MNS1: variants seen among roughly 807,000 people sequenced by gnomAD.
The protein encoded by MNS1 is meiosis-specific nuclear structural protein 1.
A neutral mutation model predicts 72.0 loss-of-function variants in MNS1; 63 were observed. The ratio of observed to expected loss-of-function variants is 0.87; its 90% CI spans 0.71 to 1.08. MNS1 has a LOEUF of 1.08. Among genes scored for constraint, MNS1 ranks in the 50% least tolerant of loss-of-function variants. The pLI is 0.00. For missense variants in MNS1, 604 were observed against 562.4 expected, an observed-to-expected ratio of 1.07 and a Z score of -0.75; for synonymous variants, 188 against 172.1, an observed-to-expected ratio of 1.09 and a Z score of -0.72.
At chr15:56,450,379 C>G (rs77480592) in intron 3 of MNS1, among the ~76,000 whole-genome samples, 1 of 152,072 alleles carries the variant, frequency 6.6e-6, no homozygotes, top group East Asian at 1.9e-4. Context: ...TTCATTCCCC[C>G]CAAAGAGAAA....
At chr15:56,433,403 T>C (rs966758896) in intron 8 of MNS1, among the ~76,000 whole-genome samples, 1 of 108,580 alleles carries the variant, frequency 9.2e-6, no homozygotes, top group African/African-American at 3.6e-5. Flanking sequence ...GTTCTGCACA[T>C]GCATCCTGGA....
chr15:56,431,583 TAGATA>T, intron 8 of MNS1, 85 bp from the exon 9 acceptor site: 1 of 1,360,228 alleles, frequency 7.4e-7, no homozygotes, highest in Non-Finnish European at 1.0e-6. Flanking sequence ...TGCAATGAAT[TAGATA>T]AAATTGATGA....
chr15:56,436,248 C>A (rs1348841638), intron 7 of MNS1, among the ~76,000 whole-genome samples: 1 of 152,110 alleles, frequency 6.6e-6, no homozygotes, highest in African/African-American at 2.4e-5. Flanking sequence ...GAAATTATAA[C>A]AAACTGTCTC....
intron 7 of MNS1, among the ~76,000 whole-genome samples, chr15:56,438,735 A>C (rs1265477724): frequency 6.6e-6 from 1 of 152,218 alleles, no homozygotes; most frequent in Non-Finnish European, 1.5e-5. Context: ...AAATTTTTGC[A>C]ATCTACCCAT....
At chr15:56,463,610 C>T (rs757945982) in intron 2 of MNS1, among the ~76,000 whole-genome samples, 5 of 151,956 alleles carry the variant, frequency 3.3e-5, no homozygotes, top group African/African-American at 1.2e-4. Context: ...GGTGAAACCC[C>T]GTCTCTACTA....
chr15:56,444,411 T>A (rs2050871677), intron 5 of MNS1, 33 bp downstream of exon 5: 2 of 1,563,092 alleles, frequency 1.3e-6, no homozygotes, highest in Non-Finnish European at 1.7e-6. Flanking sequence ...AAAGTAAACA[T>A]TTAGACATGT....
chr15:56,449,468 T>C (rs1464411701), intron 3 of MNS1, among the ~76,000 whole-genome samples: 2 of 152,206 alleles, frequency 1.3e-5, no homozygotes, highest in Non-Finnish European at 2.9e-5. Context: ...GTCAGGATGA[T>C]TTATCTTTCT....
chr15:56,434,424 G>A (rs749346509), intron 7 of MNS1, 29 bp from the exon 8 acceptor site: 1 of 1,584,396 alleles, frequency 6.3e-7, no homozygotes, highest in Non-Finnish European at 8.6e-7. Context: ...AGTTAATTTA[G>A]TAACTATTTC....
At position 56,434,348 on chromosome 15, in the gene MNS1, A is replaced by G. The variant is rs1304072257; in HGVS notation, c.1059T>C (p.Asp353=). The G allele has an allele frequency of 5.0e-6, 8 of 1,613,310 alleles. No individual in the cohort carries two copies. The South Asian group carries it at 8.8e-5, about 18-fold the overall frequency. ...KLRKQKEMKQ[D]FEEQMALKEL... ...CCTTCAAGGCCATTTGTTCTTCAAA[A>G]TCTTGCTTCATCTCTTTTTGCTTTC... The change falls in exon 8 of 10, where the codon GAT becomes GAC. Residue 353 remains aspartate, a synonymous_variant. Transcript: ENST00000260453.
intron 2 of MNS1, among the ~76,000 whole-genome samples, chr15:56,457,241 C>A (rs2050987256): frequency 6.6e-6 from 1 of 152,166 alleles, no homozygotes; most frequent in Non-Finnish European, 1.5e-5. Flanking sequence ...GGATATATCA[C>A]TGAACTTTTT....
chr15:56,429,891 C>T (rs1396161746), intron 9 of MNS1: 1 of 152,092 alleles, frequency 6.6e-6, no homozygotes, highest in East Asian at 1.9e-4. Flanking sequence ...ATTTCCTCTA[C>T]AAAAATATCA....
intron 7 of MNS1, among the ~76,000 whole-genome samples, chr15:56,439,777 AACACACAC>A (rs755190091): frequency 6.6e-6 from 1 of 150,594 alleles, no homozygotes; most frequent in Non-Finnish European, 1.5e-5. Context: ...AAAAAAACAA[AACACACAC>A]ACACACACAA....
At chr15:56,449,091 C>G (rs1401395472) in intron 3 of MNS1, among the ~76,000 whole-genome samples, 10 of 152,164 alleles carry the variant, frequency 6.6e-5, no homozygotes, top group African/African-American at 2.2e-4. Flanking sequence ...CACATACAAT[C>G]ATATCATCTG....
intron 2 of MNS1, among the ~76,000 whole-genome samples, chr15:56,457,121 ACAATCACC>A (rs1367931803): frequency 2.0e-5 from 3 of 152,160 alleles, no homozygotes; most frequent in South Asian, 4.1e-4. Flanking sequence ...ATATTCTGTA[ACAATCACC>A]TCTACACACA....
At chr15:56,451,985 C>A (rs149943988) in intron 3 of MNS1, among the ~76,000 whole-genome samples, 225 of 152,230 alleles carry the variant, frequency 1.5e-3, no homozygotes, top group African/African-American at 5.3e-3. Flanking sequence ...TCTGATACAA[C>A]ATTTCATCAA....
In MNS1 at chr15:56,456,520, G is replaced by A. The variant is rs780844491; in HGVS notation, c.227C>T (p.Ala76Val). 2 of 1,605,166 alleles carry A rather than the reference G, an allele frequency of 1.2e-6. No homozygotes were observed. Among genetic ancestry groups the A allele is most frequent in the Non-Finnish European group, 1.7e-6 (2 of 1,177,764 alleles). ...ELDMEEAIQK[A>V]EENKRLKELQ... Reference sequence around the variant, plus strand: ...TTCTTTCAATCTCTTGTTTTCTTCTGCCTGAACGAAAAATTTAACTTCGTT... The same window carrying A: ...TTCTTTCAATCTCTTGTTTTCTTCTACCTGAACGAAAAATTTAACTTCGTT... Residue 76 changes from alanine (A) to valine (V), a missense_variant and splice_region_variant, in exon 3 of 10, where the codon GCA becomes GTA. Transcript: ENST00000260453.
intron 2 of MNS1, among the ~76,000 whole-genome samples, chr15:56,457,680 G>C (rs1471133683): frequency 6.6e-6 from 1 of 151,954 alleles, no homozygotes; most frequent in Non-Finnish European, 1.5e-5. Flanking sequence ...CAGGTGTGGT[G>C]GCACAAATCT....
At chr15:56,431,958 A>C (rs561386762) in intron 8 of MNS1, among the ~76,000 whole-genome samples, 2 of 152,114 alleles carry the variant, frequency 1.3e-5, no homozygotes. Context: ...ATTTCTTAGG[A>C]AAGTGCTCAC....
intron 4 of MNS1, among the ~76,000 whole-genome samples, chr15:56,445,431 T>C (rs1386835595): frequency 6.6e-6 from 1 of 152,056 alleles, no homozygotes; most frequent in East Asian, 1.9e-4. Context: ...TCCCGAATGA[T>C]GGAATGGTCA....
Sources: gnomAD v4.1 joint callset for allele counts (sites outside exome capture counted in the v4.1 genomes callset) on GRCh38, gnomAD v4.1.1 for gene constraint, MANE v1.5 for transcripts, NCBI Gene and HGNC (gene_info 2026-07-23, HGNC 2026-07-21) for gene names.